Variants in CSMD1 observed in about 807,000 individuals in gnomAD.
The protein encoded by CSMD1 is CUB and sushi domain-containing protein 1.
Under a neutral mutation model 417.5 loss-of-function variants are expected in CSMD1, and 213 were observed. That is an observed-to-expected ratio of 0.51 (90% CI 0.46 to 0.57). The LOEUF (loss-of-function observed/expected upper bound fraction) is 0.57, where lower values mean the gene tolerates loss of function less well. Ranked by LOEUF, CSMD1 falls within the 20% of genes least tolerant of loss-of-function variation. CSMD1 has a pLI of 0.00. For synonymous variants in CSMD1, 2,862 were observed against 1,736.8 expected, an observed-to-expected ratio of 1.65 and a Z score of -16.11; for missense variants, 6,923 against 4,529.7, an observed-to-expected ratio of 1.53 and a Z score of -15.17.
chr8:4,206,258 A>G (rs1042389773), intron 3 of CSMD1, among the ~76,000 whole-genome samples: 7 of 152,226 alleles, frequency 4.6e-5, no homozygotes, highest in Middle Eastern at 3.4e-3. Flanking sequence ...GGTTTGTTAC[A>G]TATGTATACA....
chr8:3,741,386 A>C (rs1309876239), intron 6 of CSMD1, among the ~76,000 whole-genome samples: 1 of 152,154 alleles, frequency 6.6e-6, no homozygotes. Context: ...GTATCACAGG[A>C]TGGCATATAG....
chr8:4,934,553 T>A (rs917537619), intron 1 of CSMD1, among the ~76,000 whole-genome samples: 1 of 152,186 alleles, frequency 6.6e-6, no homozygotes, highest in African/African-American at 2.4e-5. Flanking sequence ...AGGAACGAGA[T>A]GGAGACTGCA....
At chr8:3,678,907 T>G (rs1040657297) in intron 7 of CSMD1, among the ~76,000 whole-genome samples, 15 of 152,118 alleles carry the variant, frequency 9.9e-5, no homozygotes, top group Non-Finnish European at 1.9e-4. Context: ...AAAACAATTT[T>G]CAACCCAGAA....
intron 1 of CSMD1, chr8:4,788,478 T>C (rs562314290): frequency 4.5e-6 from 6 of 1,318,894 alleles, no homozygotes; most frequent in African/African-American, 4.4e-5. Flanking sequence ...ACTGCTCAGA[T>C]ATTTGGGGTA....
chr8:4,161,067 A>G (rs1191991420), intron 3 of CSMD1, among the ~76,000 whole-genome samples: 1 of 152,142 alleles, frequency 6.6e-6, no homozygotes, highest in East Asian at 1.9e-4. Context: ...CCAGATTTGC[A>G]GGAAATGTAA....
intron 5 of CSMD1, among the ~76,000 whole-genome samples, chr8:3,968,191 A>AATC (rs1318387327): frequency 5.3e-5 from 1 of 18,818 alleles, no homozygotes; most frequent in Non-Finnish European, 9.7e-5. Context: ...CGTCTCAAAT[A>AATC]ATAATAATAA....
At chr8:4,205,009 C>G (rs893114222) in intron 3 of CSMD1, among the ~76,000 whole-genome samples, 15 of 152,060 alleles carry the variant, frequency 9.9e-5, no homozygotes, top group African/African-American at 3.6e-4. Context: ...CTCCAATTTT[C>G]TTTCTCATGT....
chr8:3,512,600 CT>C (rs760320227), intron 10 of CSMD1, among the ~76,000 whole-genome samples: 31,849 of 127,536 alleles, frequency 0.25, 5,338 homozygotes, highest in African/African-American at 0.47. Flanking sequence ...TAATTTTTTT[CT>C]TTTTTTTTTT....
chr8:3,229,755 A>G (rs189808546), intron 27 of CSMD1, among the ~76,000 whole-genome samples: 94 of 152,358 alleles, frequency 6.2e-4, no homozygotes, highest in African/African-American at 2.1e-3. Context: ...AGAATTTTAA[A>G]TTACAGACAT....
chr8:3,403,415 T>C (rs1812156943), intron 15 of CSMD1, among the ~76,000 whole-genome samples: 1 of 152,176 alleles, frequency 6.6e-6, no homozygotes, highest in Non-Finnish European at 1.5e-5. Context: ...CCCTACCTTC[T>C]CTGAGGCTCA....
chr8:4,270,139 C>A (rs538394230), intron 3 of CSMD1, among the ~76,000 whole-genome samples: 5 of 152,154 alleles, frequency 3.3e-5, no homozygotes, highest in African/African-American at 1.2e-4. Context: ...GATAGGGAGG[C>A]TGGAATGTGG....
chr8:4,514,693 C>T (rs937608161), intron 2 of CSMD1, among the ~76,000 whole-genome samples: 3 of 152,090 alleles, frequency 2.0e-5, no homozygotes, highest in African/African-American at 7.2e-5. Flanking sequence ...GTACCTGGTA[C>T]CTAATATAGA....
intron 10 of CSMD1, among the ~76,000 whole-genome samples, chr8:3,504,593 G>A (rs895715399): frequency 2.6e-5 from 4 of 152,122 alleles, no homozygotes; most frequent in African/African-American, 4.8e-5. Context: ...CAAATCTCAC[G>A]AGTCTTTATA....
Position 4,001,269 on chromosome 8 carries a change from T to C in CSMD1, c.611-3159A>G, listed in dbSNP as rs572086715. On this transcript the variant is annotated intron_variant, in intron 4 of 69. Coordinates refer to ENST00000635120, the MANE Select transcript of CSMD1 (RefSeq NM_033225.6). Reference sequence around the variant, plus strand: ...TTGACCAGAAGTGAATTTAAACCTATCTGACAGGAGTGTTTACAGGCAGCC... The same window carrying C: ...TTGACCAGAAGTGAATTTAAACCTACCTGACAGGAGTGTTTACAGGCAGCC... 3.3e-5 allele frequency among the ~76,000 whole-genome samples: 5 copies of C among 152,216 alleles called. No homozygotes were observed. In the East Asian group the frequency reaches 9.7e-4, roughly 29 times the overall value.
At chr8:4,151,339 A>G (rs781071537) in intron 3 of CSMD1, among the ~76,000 whole-genome samples, 2 of 152,210 alleles carry the variant, frequency 1.3e-5, no homozygotes, top group Non-Finnish European at 2.9e-5. Context: ...GAGATAAATC[A>G]CTTATTTACA....
chr8:3,257,111 C>G (rs568835449), intron 26 of CSMD1, among the ~76,000 whole-genome samples: 1 of 152,120 alleles, frequency 6.6e-6, no homozygotes, highest in Non-Finnish European at 1.5e-5. Flanking sequence ...CACTTGAGGT[C>G]AGGAGTTTGA....
At chr8:4,779,189 C>T (rs1276956991) in intron 1 of CSMD1, among the ~76,000 whole-genome samples, 2 of 152,194 alleles carry the variant, frequency 1.3e-5, no homozygotes, top group South Asian at 2.1e-4. Flanking sequence ...TGGTGGCAAA[C>T]ATATGCTAAC....
At chr8:3,306,867 C>T (rs1485133728) in intron 25 of CSMD1, among the ~76,000 whole-genome samples, 1 of 145,482 alleles carries the variant, frequency 6.9e-6, no homozygotes, top group Non-Finnish European at 1.5e-5. Flanking sequence ...AAAAATATTA[C>T]TTTTTGTTGG....
intron 25 of CSMD1, among the ~76,000 whole-genome samples, chr8:3,306,933 G>T (rs185043203): frequency 2.4e-4 from 37 of 151,902 alleles, no homozygotes; most frequent in Admixed American, 2.2e-3. Flanking sequence ...AACACTTTTT[G>T]TTTAAATGTT....
Sources: gnomAD v4.1 joint callset for allele counts (sites outside exome capture counted in the v4.1 genomes callset) on GRCh38, gnomAD v4.1.1 for gene constraint, MANE v1.5 for transcripts, NCBI Gene and HGNC (gene_info 2026-07-23, HGNC 2026-07-21) for gene names.